The following ADAM12 variants were observed in gnomAD, a reference collection of about 807,000 sequenced individuals.
ADAM12 encodes ADAM metallopeptidase domain 12.
A neutral mutation model predicts 106.4 loss-of-function variants in ADAM12; 70 were observed. That is an observed-to-expected ratio of 0.66 (90% CI 0.54 to 0.80). The LOEUF (loss-of-function observed/expected upper bound fraction) is 0.80. Ranked by LOEUF, ADAM12 falls within the 30% of genes least tolerant of loss-of-function variation. The probability of loss-of-function intolerance (pLI) is 0.00; values close to 1 mark genes in which losing one functional copy is unlikely to be tolerated. For missense variants in ADAM12, 1,010 were observed against 1,171.9 expected, an observed-to-expected ratio of 0.86 and a Z score of 2.02; for synonymous variants, 420 against 433.5, an observed-to-expected ratio of 0.97 and a Z score of 0.39.
In ADAM12 at chr10:126,109,821, T is replaced by C; in HGVS notation, c.623A>G (p.Lys208Arg). 1.2e-6 allele frequency: 2 copies of C among 1,613,198 alleles called. No individual in the cohort carries two copies. The highest frequency in any genetic ancestry group is 8.5e-7 in the Non-Finnish European group (1 of 1,179,836). The change falls in exon 7 of 23, where the codon AAG becomes AGG. Residue 208 changes from lysine to arginine, a missense_variant. By Grantham distance (26) the Lys-to-Arg change is conservative. Coordinates refer to ENST00000448723, the MANE Select transcript of ADAM12 (RefSeq NM_001288973.2). ...CACCAGCTCCACATACTTAGTTGCC[T>C]TGAGGGTCTCTCTTTTATGCTGCCA... The part of the protein sequence containing the change: ...WARRHKRETL[K>R]ATKYVELVIV...
intron 1 of ADAM12, among the ~76,000 whole-genome samples, chr10:126,357,137 AAGG>A (rs1378143851): frequency 1.3e-5 from 2 of 152,236 alleles, no homozygotes; most frequent in African/African-American, 2.4e-5. Flanking sequence ...AATTCAACCC[AAGG>A]AGGAGTCCAC....
At chr10:126,235,165 C>T (rs936404772) in intron 3 of ADAM12, among the ~76,000 whole-genome samples, 3 of 152,206 alleles carry the variant, frequency 2.0e-5, no homozygotes, top group African/African-American at 7.2e-5. Context: ...ACCCTGGAAG[C>T]CCAGGCACCT....
chr10:126,241,723 G>A (rs1345453691), intron 3 of ADAM12, among the ~76,000 whole-genome samples: 5 of 152,178 alleles, frequency 3.3e-5, no homozygotes, highest in African/African-American at 9.6e-5. Context: ...CGTATAAAAC[G>A]GGGACAAGAA....
At chr10:126,122,074 T>C (rs189865733) in intron 5 of ADAM12, among the ~76,000 whole-genome samples, 183 of 152,306 alleles carry the variant, frequency 1.2e-3, no homozygotes, top group African/African-American at 4.2e-3. Context: ...AAGATGTGCA[T>C]TTGAAGAACC....
rs1954564530 is a variant in ADAM12, at chr10:126,053,774, C to T, written c.1610-4105G>A. Among the ~76,000 whole-genome samples, 1 of 151,242 alleles carries T rather than the reference C, an allele frequency of 6.6e-6. No homozygotes were observed. The highest frequency in any genetic ancestry group is 1.5e-5 in the Non-Finnish European group (1 of 67,724). ...AGGCTCGAGTGCAATGGTGTGATCT[C>T]GGCTCACTGCAACCTCTGCCTCCCG... is the stretch of plus-strand genomic sequence containing the variant. On this transcript the variant is annotated intron_variant, in intron 14 of 22. Coordinates refer to ENST00000448723, the MANE Select transcript of ADAM12 (RefSeq NM_001288973.2). This position sits in a 1 kb window ranked among gnomAD's most constrained non-coding sequence, Gnocchi z 4.6.
chr10:126,119,336 C>T (rs750422477), intron 5 of ADAM12, among the ~76,000 whole-genome samples: 39 of 152,166 alleles, frequency 2.6e-4, no homozygotes, highest in Non-Finnish European at 5.0e-4. Context: ...GATAATGGTA[C>T]CTACTTCTCA....
chr10:126,248,125 T>C (rs1448856913), intron 3 of ADAM12, among the ~76,000 whole-genome samples: 2 of 152,196 alleles, frequency 1.3e-5, no homozygotes, highest in African/African-American at 4.8e-5. Flanking sequence ...TAGGCCTCAG[T>C]GTCCTCATCT....
intron 3 of ADAM12, among the ~76,000 whole-genome samples, chr10:126,275,900 C>A (rs1222795754): frequency 6.6e-6 from 1 of 152,128 alleles, no homozygotes; most frequent in African/African-American, 2.4e-5. Context: ...CCTCTATAAT[C>A]TTCCTACTCA....
intron 1 of ADAM12, among the ~76,000 whole-genome samples, chr10:126,368,967 T>G (rs1340753969): frequency 6.6e-6 from 1 of 152,208 alleles, no homozygotes; most frequent in Non-Finnish European, 1.5e-5. Flanking sequence ...GCGATTTTTA[T>G]TAGACTATCA....
intron 3 of ADAM12, among the ~76,000 whole-genome samples, chr10:126,190,240 T>C (rs7074834): frequency 0.28 from 41,411 of 150,554 alleles, 7,606 homozygotes; most frequent in East Asian, 0.51. Context: ...CTCACTCTGT[T>C]ACCCAGCCTG....
At chr10:126,098,863 G>T (rs1450964470) in intron 9 of ADAM12, among the ~76,000 whole-genome samples, 2 of 152,210 alleles carry the variant, frequency 1.3e-5, no homozygotes, top group Non-Finnish European at 1.5e-5. Context: ...TTAACTAAAA[G>T]AAATGCATTA....
rs886721277 is a variant in ADAM12, at chr10:126,158,093, C to A, written c.261-2788G>T. 3.9e-4 allele frequency among the ~76,000 whole-genome samples: 59 copies of A among 152,124 alleles called. 2 individuals are homozygous for A. Reference sequence around the variant, plus strand: ...GAAGCAGAGAGGCGGGATGTGAAAACCAGAGACGGGGACTTGAGGGGAATA... The same window carrying A: ...GAAGCAGAGAGGCGGGATGTGAAAAACAGAGACGGGGACTTGAGGGGAATA... On this transcript the variant is annotated intron_variant, in intron 3 of 22. Transcript: ENST00000448723.
chr10:126,281,904 G>A (rs1959601341), intron 2 of ADAM12, among the ~76,000 whole-genome samples: 1 of 152,160 alleles, frequency 6.6e-6, no homozygotes, highest in Non-Finnish European at 1.5e-5. Context: ...TATATAAAAT[G>A]TATAAGTACA....
intron 1 of ADAM12, among the ~76,000 whole-genome samples, chr10:126,331,494 C>G (rs1251127313): frequency 6.6e-6 from 1 of 152,190 alleles, no homozygotes; most frequent in African/African-American, 2.4e-5. Flanking sequence ...TAAATCCACA[C>G]CATTTTATCA....
At chr10:126,204,650 T>G (rs1049737581) in intron 3 of ADAM12, among the ~76,000 whole-genome samples, 1 of 152,198 alleles carries the variant, frequency 6.6e-6, no homozygotes, top group Non-Finnish European at 1.5e-5. Context: ...GTTCATAAAT[T>G]GTTAAGAATT....
chr10:126,284,758 A>G (rs988441283), intron 2 of ADAM12, among the ~76,000 whole-genome samples: 20 of 152,162 alleles, frequency 1.3e-4, no homozygotes, highest in Middle Eastern at 3.2e-3. Context: ...TCTTCTCTGC[A>G]GCTGCTTTTG....
At chr10:126,373,462 G>A (rs1856180914) in intron 1 of ADAM12, among the ~76,000 whole-genome samples, 1 of 152,218 alleles carries the variant, frequency 6.6e-6, no homozygotes, top group Non-Finnish European at 1.5e-5. Context: ...TTCTGACTGA[G>A]TGTTTGGAGT....
chr10:126,148,321 A>G (rs893092702), intron 4 of ADAM12, among the ~76,000 whole-genome samples: 1 of 152,236 alleles, frequency 6.6e-6, no homozygotes, highest in African/African-American at 2.4e-5. Flanking sequence ...TGAGCAGAAG[A>G]GGAGATGAGT....
chr10:126,286,918 C>G (rs560664488), intron 2 of ADAM12, among the ~76,000 whole-genome samples: 4 of 152,094 alleles, frequency 2.6e-5, no homozygotes, highest in African/African-American at 9.7e-5. Context: ...TGTGTTCAAA[C>G]GTTGGATTAT....
Sources: gnomAD v4.1 joint callset for allele counts (sites outside exome capture counted in the v4.1 genomes callset) on GRCh38, gnomAD v4.1.1 for gene constraint, Gnocchi (gnomAD v3.1) non-coding constraint, MANE v1.5 for transcripts, NCBI Gene and HGNC (gene_info 2026-07-23, HGNC 2026-07-21) for gene names.